DIPK2B: variants seen among roughly 807,000 people sequenced by gnomAD.
DIPK2B encodes the protein divergent protein kinase domain 2B, also known as UPF0672 protein CXorf36.
Under a neutral mutation model 22.2 loss-of-function variants are expected in DIPK2B, and 15 were observed. The observed-to-expected ratio is 0.68, with a 90% CI of 0.45 to 1.04. The LOEUF (loss-of-function observed/expected upper bound fraction) is 1.04. Among genes scored for constraint, DIPK2B ranks in the 50% least tolerant of loss-of-function variants. The pLI is 0.00. For missense variants in DIPK2B, 345 were observed against 348.3 expected, an observed-to-expected ratio of 0.99 and a Z score of 0.08; for synonymous variants, 163 against 153.2, an observed-to-expected ratio of 1.06 and a Z score of -0.47.
intron 2 of DIPK2B, among the ~76,000 whole-genome samples, chrX:45,175,669 A>G (rs1390270841): frequency 2.0e-5 from 2 of 101,031 alleles, no homozygotes; most frequent in African/African-American, 3.6e-5. Flanking sequence ...AGTGATATGG[A>G]CTCATTGTAA....
chrX:45,192,893 C>T (rs928858848), intron 1 of DIPK2B, among the ~76,000 whole-genome samples: 30 of 112,502 alleles, frequency 2.7e-4, no homozygotes, highest in African/African-American at 9.7e-4. Context: ...ATTCTCCTGC[C>T]TCAGCCTCCC....
At chrX:45,152,273 G>A (rs760136022) in intron 4 of DIPK2B, among the ~76,000 whole-genome samples, 1 of 110,903 alleles carries the variant, frequency 9.0e-6, no homozygotes, top group Non-Finnish European at 1.9e-5. Flanking sequence ...CTGGAGAATC[G>A]CTTGAACCTG....
chrX:45,198,507 A>G (rs1325565387), intron 1 of DIPK2B, among the ~76,000 whole-genome samples: 1 of 111,102 alleles, frequency 9.0e-6, no homozygotes, highest in Non-Finnish European at 1.9e-5. Context: ...TCACGGGCAC[A>G]TGGAACATGA....
intron 2 of DIPK2B, among the ~76,000 whole-genome samples, chrX:45,176,601 G>A (rs757398459): frequency 3.6e-5 from 4 of 111,907 alleles, no homozygotes; most frequent in East Asian, 5.7e-4. Flanking sequence ...TAAGCCTTCC[G>A]AGAAGGTTAT....
In DIPK2B at chrX:45,195,784, T is replaced by C. The variant is rs901627549; in HGVS notation, c.234-3769A>G. Among the ~76,000 whole-genome samples the C allele has an allele frequency of 2.7e-5, 3 of 112,496 alleles. No homozygotes were observed. The Admixed American group carries it at 2.8e-4, about 11-fold the overall frequency. ...GCTTTGGTCTCACCAAACCACTGAC[T>C]ATCCTTGGATAAACCACATTCTTTC... On this transcript the variant is annotated intron_variant, in intron 1 of 4. Transcript: ENST00000398000.
chrX:45,171,594 C>T (rs769211952), intron 2 of DIPK2B, among the ~76,000 whole-genome samples: 2 of 111,255 alleles, frequency 1.8e-5, no homozygotes, highest in South Asian at 7.7e-4. Flanking sequence ...GCTCTACTTC[C>T]CACAGTCATG....
chrX:45,194,695 C>T (rs2047229797), intron 1 of DIPK2B, among the ~76,000 whole-genome samples: 1 of 111,854 alleles, frequency 8.9e-6, no homozygotes, highest in African/African-American at 3.2e-5. Context: ...TTTGTCCCTT[C>T]CCCATCTTGT....
At position 45,151,384 on chromosome X, in the gene DIPK2B, T is replaced by G; in HGVS notation, c.*268A>C. 1 of 381,631 alleles carries G rather than the reference T, an allele frequency of 2.6e-6. No homozygotes were observed. Among genetic ancestry groups the G allele is most frequent in the African/African-American group, 2.5e-5 (1 of 39,561 alleles). The allele number at this position is 381,631 out of a possible 1,213,427, so 31.5% of individuals were successfully genotyped here. On this transcript the variant is annotated 3_prime_UTR_variant, in exon 5 of 5. Coordinates refer to ENST00000398000, the MANE Select transcript of DIPK2B (RefSeq NM_176819.4). ...TTCTTTCACCCTCAGGAGAGTCTGG[T>G]GGAGAACAGAGGAAACTGAGGCTCA...
chrX:45,154,108 C>T lies in DIPK2B; in HGVS notation c.763G>A (p.Glu255Lys). The T allele has an allele frequency of 1.7e-6, 2 of 1,211,086 alleles. No individual in the cohort carries two copies. Among genetic ancestry groups the T allele is most frequent in the Non-Finnish European group, 1.1e-6 (1 of 895,324 alleles). ...LVSTSTRPLQ[E>K]FYDAPPDQAA... ...TGATCTGGGGGTGCATCATAGAATT[C>T]CTGCAGCGGTCTGGTGCTGGTGCTG... Residue 255 changes from glutamate (E) to lysine (K), a missense_variant, in exon 4 of 5, where the codon GAA becomes AAA. Coordinates refer to ENST00000398000, the MANE Select transcript of DIPK2B (RefSeq NM_176819.4).
intron 3 of DIPK2B, among the ~76,000 whole-genome samples, chrX:45,155,889 C>T (rs1484027413): frequency 1.8e-5 from 2 of 109,122 alleles, no homozygotes; most frequent in African/African-American, 3.3e-5. Context: ...CAGTCCTCTG[C>T]CCATTTTAAC....
intron 2 of DIPK2B, chrX:45,163,673 A>C: frequency 1.3e-6 from 1 of 754,863 alleles, no homozygotes; most frequent in Non-Finnish European, 1.6e-6. Flanking sequence ...GAGGTACTTA[A>C]AAAGTAAAAG....
At position 45,191,738 on chromosome X, in the gene DIPK2B, C is replaced by G; in HGVS notation, c.498+13G>C. On this transcript the variant is annotated intron_variant, in intron 2 of 4. Coordinates refer to ENST00000398000, the MANE Select transcript of DIPK2B (RefSeq NM_176819.4). Reference sequence around the variant, plus strand: ...TCCCCTTCACACCCCCTTCCCATGGCCTTCACACTCACCTGCACCAGGTCC... The same window carrying G: ...TCCCCTTCACACCCCCTTCCCATGGGCTTCACACTCACCTGCACCAGGTCC... 1 of 1,206,210 alleles carries G rather than the reference C, an allele frequency of 8.3e-7. No homozygotes were observed. Among genetic ancestry groups the G allele is most frequent in the African/African-American group, 1.7e-5 (1 of 57,737 alleles).
chrX:45,155,359 G>A (rs1170183157), intron 3 of DIPK2B, among the ~76,000 whole-genome samples: 1 of 109,432 alleles, frequency 9.1e-6, no homozygotes, highest in Non-Finnish European at 1.9e-5. Flanking sequence ...GGTGGTGGAG[G>A]CTGCAGTGAG....
At chrX:45,158,429 C>A (rs1280669140) in intron 2 of DIPK2B, among the ~76,000 whole-genome samples, 1 of 111,685 alleles carries the variant, frequency 9.0e-6, no homozygotes, top group Non-Finnish European at 1.9e-5. Context: ...TGAATTCATT[C>A]CCTGCCATGG....
intron 2 of DIPK2B, 36 bp downstream of exon 2, chrX:45,191,715 C>G: frequency 8.5e-7 from 1 of 1,177,380 alleles, no homozygotes; most frequent in Non-Finnish European, 1.1e-6. Context: ...TCTCATCATC[C>G]CCTTCACACC....
At chrX:45,181,944 G>A (rs1233200381) in intron 2 of DIPK2B, among the ~76,000 whole-genome samples, 1 of 110,800 alleles carries the variant, frequency 9.0e-6, no homozygotes, top group Non-Finnish European at 1.9e-5. Flanking sequence ...GCTGAGCACG[G>A]TGTACACCTG....
intron 2 of DIPK2B, among the ~76,000 whole-genome samples, chrX:45,190,624 G>A (rs186853287): frequency 2.7e-5 from 3 of 112,145 alleles, no homozygotes; most frequent in African/African-American, 9.7e-5. Flanking sequence ...TGGATGAACA[G>A]GAATGGAAGC....
intron 2 of DIPK2B, among the ~76,000 whole-genome samples, chrX:45,176,454 C>T (rs763277504): frequency 5.0e-4 from 56 of 112,157 alleles, no homozygotes; most frequent in Non-Finnish European, 9.4e-4. Flanking sequence ...CCAACCCTGG[C>T]ATACATAGTG....
intron 3 of DIPK2B, among the ~76,000 whole-genome samples, chrX:45,156,192 G>A (rs754258613): frequency 9.2e-6 from 1 of 108,944 alleles, no homozygotes; most frequent in African/African-American, 3.4e-5. Flanking sequence ...GGCTGGTCTC[G>A]AACTCCTGAC....
Sources: allele counts gnomAD v4.1 joint callset (sites outside exome capture counted in the v4.1 genomes callset), GRCh38; gene constraint gnomAD v4.1.1; transcripts MANE v1.5; gene names NCBI Gene and HGNC (gene_info 2026-07-23, HGNC 2026-07-21).